Variants in RNF212 observed in about 807,000 individuals in gnomAD.
The protein encoded by RNF212 is probable E3 SUMO-protein ligase RNF212.
Under a neutral mutation model 34.7 loss-of-function variants are expected in RNF212, and 33 were observed. The observed-to-expected ratio is 0.95, with a 90% confidence interval of 0.72 to 1.27. The LOEUF (loss-of-function observed/expected upper bound fraction) is 1.27, where lower values mean the gene tolerates loss of function less well. Among genes scored for constraint, RNF212 ranks in the 50% most tolerant of loss-of-function variants. The pLI is 0.00. For synonymous variants in RNF212, 140 were observed against 136.1 expected (o/e 1.03, Z -0.20); for missense variants, 377 against 362.2 (o/e 1.04, Z -0.33).
intron 7 of RNF212, among the ~76,000 whole-genome samples, chr4:1,080,916 G>T (rs1577681897): frequency 6.6e-6 from 1 of 152,244 alleles, no homozygotes; most frequent in African/African-American, 2.4e-5. Flanking sequence ...GTGCCAGAGT[G>T]ATGGCCAGGC....
At chr4:1,059,152 CG>C (rs1346558361) in intron 3 of RNF212, among the ~76,000 whole-genome samples, 2 of 152,206 alleles carry the variant, frequency 1.3e-5, no homozygotes, top group Non-Finnish European at 2.9e-5. Flanking sequence ...TGCGGCACGT[CG>C]GGGGGTTGCC....
At chr4:1,100,511 G>A (rs892058002) in intron 2 of RNF212, 1 of 147,122 alleles carries the variant, frequency 6.8e-6, no homozygotes, top group African/African-American at 2.6e-5. Flanking sequence ...AGGTTCAAAT[G>A]ATTCTCTAGC....
At chr4:1,086,131 C>T (rs1464099904) in intron 4 of RNF212, among the ~76,000 whole-genome samples, 177 bp from the exon 5 acceptor site, 1 of 152,210 alleles carries the variant, frequency 6.6e-6, no homozygotes, top group East Asian at 1.9e-4. Context: ...GGAAATCGGC[C>T]TTGGGGGCCA....
chr4:1,056,759 C>T, intron 4 of RNF212: 1 of 812,374 alleles, frequency 1.2e-6, no homozygotes, highest in Middle Eastern at 5.8e-4. Context: ...CTGCCCTTGG[C>T]ACACACTCAG....
intron 1 of RNF212, among the ~76,000 whole-genome samples, chr4:1,108,838 C>A (rs187777870): frequency 1.8e-4 from 28 of 152,124 alleles, no homozygotes; most frequent in Admixed American, 1.2e-3. Context: ...TAGCTAGGAC[C>A]ACAGACGTGT....
chr4:1,079,098 T>A lies in RNF212; in HGVS notation c.510+545A>T, dbSNP rs940134606. Among the ~76,000 whole-genome samples, 66 of 123,918 alleles carry A rather than the reference T, an allele frequency of 5.3e-4. 1 individual carries two copies. The highest frequency in any genetic ancestry group is 2.1e-3 in the African/African-American group (61 of 29,268). 81.3% of individuals were successfully genotyped at this position (123,918 alleles called of 152,430 possible). A position where few individuals can be genotyped will look rare whatever the true frequency, so the allele number is the denominator to read the frequency against. On this transcript the variant is annotated intron_variant, in intron 8 of 9. Coordinates refer to ENST00000433731, the MANE Select transcript of RNF212 (RefSeq NM_001131034.4). ...ACACAGGGTCAACACAGGACCAACATAGGACCAACACAGGGTCAACACAGG... is the reference window on the plus strand; with the variant it reads ...ACACAGGGTCAACACAGGACCAACAAAGGACCAACACAGGGTCAACACAGG...
chr4:1,098,277 ACT>A, intron 2 of RNF212, among the ~76,000 whole-genome samples: 1 of 152,292 alleles, frequency 6.6e-6, no homozygotes, highest in Admixed American at 6.5e-5. Context: ...GGAAAAAAAT[ACT>A]CTATTTGTGG....
intron 2 of RNF212, among the ~76,000 whole-genome samples, chr4:1,104,887 G>A (rs1468420856): frequency 1.3e-5 from 2 of 152,186 alleles, no homozygotes. Context: ...CACACCAAGG[G>A]AGGAGGAAGA....
intron 2 of RNF212, among the ~76,000 whole-genome samples, chr4:1,098,889 A>C (rs1401485583): frequency 6.6e-6 from 1 of 152,186 alleles, no homozygotes; most frequent in Admixed American, 6.5e-5. Context: ...CAGATGCCTC[A>C]GAGACAAGAC....
chr4:1,104,856 C>G (rs1234189031), intron 2 of RNF212, among the ~76,000 whole-genome samples: 1 of 152,146 alleles, frequency 6.6e-6, no homozygotes, highest in African/African-American at 2.4e-5. Flanking sequence ...CGGGGCAGGA[C>G]AGCTAAGAAA....
At position 1,056,494 on chromosome 4, in the gene RNF212, A is replaced by C; in HGVS notation, n.230T>G. On this transcript the variant is annotated non_coding_transcript_exon_variant, in exon 5 of 5. Transcript: ENST00000503206. Reference sequence around the variant, plus strand: ...CAACTTTGTCTTTGAAATGACTTCAAAACTTCACACTGTTGAGGAAAATGA... The same window carrying C: ...CAACTTTGTCTTTGAAATGACTTCACAACTTCACACTGTTGAGGAAAATGA... The C allele has an allele frequency of 4.1e-6, 4 of 986,662 alleles. No individual in the cohort carries two copies. In the South Asian group the frequency reaches 1.4e-4, roughly 35 times the overall value. 61.1% of individuals were successfully genotyped at this position (986,662 alleles called of 1,614,324 possible).
downstream of RNF212, among the ~76,000 whole-genome samples, chr4:1,070,218 G>A (rs1179472964): frequency 3.3e-5 from 5 of 149,510 alleles, no homozygotes; most frequent in South Asian, 2.1e-4. Flanking sequence ...CTGTGTCAGC[G>A]TGGGTGCCTG....
intron 7 of RNF212, among the ~76,000 whole-genome samples, chr4:1,080,540 G>A (rs1014898574): frequency 6.6e-6 from 1 of 152,142 alleles, no homozygotes; most frequent in African/African-American, 2.4e-5. Flanking sequence ...TGACCGTACA[G>A]ATGTACCACA....
intron 2 of RNF212, among the ~76,000 whole-genome samples, chr4:1,105,602 A>C (rs1724691334): frequency 6.6e-6 from 1 of 152,280 alleles, no homozygotes; most frequent in Non-Finnish European, 1.5e-5. Flanking sequence ...GTTTTAAAGA[A>C]AAAACAACAT....
At chr4:1,112,563 G>A (rs1052147489) in intron 1 of RNF212, among the ~76,000 whole-genome samples, 8 of 151,854 alleles carry the variant, frequency 5.3e-5, no homozygotes, top group African/African-American at 1.9e-4. Flanking sequence ...CATGGAATAG[G>A]GCCAGAGTCC....
chr4:1,108,130 A>G (rs1725103294), intron 2 of RNF212, among the ~76,000 whole-genome samples: 2 of 152,228 alleles, frequency 1.3e-5, no homozygotes, highest in African/African-American at 4.8e-5. Flanking sequence ...CGATTCAACA[A>G]CCTAGGAATA....
intron 3 of RNF212, among the ~76,000 whole-genome samples, chr4:1,061,703 A>G (rs550344170): frequency 1.3e-5 from 2 of 152,348 alleles, no homozygotes; most frequent in East Asian, 1.9e-4. Context: ...TCTCAGCTCA[A>G]CAAGAAAAGA....
intron 3 of RNF212, among the ~76,000 whole-genome samples, chr4:1,061,564 A>G (rs1489799802): frequency 6.6e-6 from 1 of 152,222 alleles, no homozygotes; most frequent in African/African-American, 2.4e-5. Flanking sequence ...AACTGACTGG[A>G]TATCGGCTCC....
intron 1 of RNF212, among the ~76,000 whole-genome samples, chr4:1,110,139 C>A (rs1341608297): frequency 1.3e-5 from 2 of 152,128 alleles, no homozygotes; most frequent in Non-Finnish European, 2.9e-5. Flanking sequence ...ACAGACATGA[C>A]AGAGAGGAAA....
Sources: gnomAD v4.1 joint callset for allele counts (sites outside exome capture counted in the v4.1 genomes callset) on GRCh38, gnomAD v4.1.1 for gene constraint, MANE v1.5 for transcripts, NCBI Gene and HGNC (gene_info 2026-07-23, HGNC 2026-07-21) for gene names.